Variants in CAMK4 observed in about 807,000 individuals in gnomAD.
CAMK4 encodes the protein calcium/calmodulin dependent protein kinase IV.
Under a neutral mutation model 44.9 loss-of-function variants are expected in CAMK4, and 22 were observed. That is an observed-to-expected ratio of 0.49 (90% confidence interval 0.35 to 0.70). The LOEUF (loss-of-function observed/expected upper bound fraction) is 0.70, where lower values mean the gene tolerates loss of function less well. Ranked by LOEUF, CAMK4 falls within the 30% of genes least tolerant of loss-of-function variation. The probability of loss-of-function intolerance (pLI) is 0.01; values close to 1 mark genes in which losing one functional copy is unlikely to be tolerated. For missense variants in CAMK4, 498 were observed against 586.8 expected (o/e 0.85, Z 1.56); for synonymous variants, 218 against 215.4 (o/e 1.01, Z -0.11).
At chr5:111,409,090 G>A (rs1232154350) in intron 5 of CAMK4, among the ~76,000 whole-genome samples, 6 of 152,188 alleles carry the variant, frequency 3.9e-5, no homozygotes, top group Admixed American at 3.9e-4. Context: ...CTGGAGGATG[G>A]TGGCCCCTGC....
chr5:111,330,378 A>T (rs538142777), intron 1 of CAMK4, among the ~76,000 whole-genome samples: 75 of 151,874 alleles, frequency 4.9e-4, no homozygotes, highest in African/African-American at 1.8e-3. Context: ...CTGTAAATGG[A>T]TTGGAGGACT....
intron 2 of CAMK4, among the ~76,000 whole-genome samples, chr5:111,363,380 G>A (rs534436900): frequency 3.9e-5 from 6 of 152,120 alleles, no homozygotes; most frequent in East Asian, 1.9e-4. Context: ...TCAATCACCA[G>A]CCTCCATACC....
chr5:111,422,038 T>A (rs1157743666), intron 5 of CAMK4, among the ~76,000 whole-genome samples: 2 of 152,232 alleles, frequency 1.3e-5, no homozygotes, highest in African/African-American at 4.8e-5. Flanking sequence ...CCATTAAACA[T>A]CTTTTTCTTA....
At chr5:111,413,598 T>C (rs1484735877) in intron 5 of CAMK4, among the ~76,000 whole-genome samples, 2 of 151,522 alleles carry the variant, frequency 1.3e-5, no homozygotes, top group Non-Finnish European at 2.9e-5. Flanking sequence ...AAAATTATTA[T>C]GGAGCTAAAG....
intron 5 of CAMK4, among the ~76,000 whole-genome samples, chr5:111,434,250 G>T (rs1355913373): frequency 6.8e-6 from 1 of 147,474 alleles, no homozygotes; most frequent in African/African-American, 2.5e-5. Flanking sequence ...CCAAGATCGC[G>T]CCACTGCACT....
chr5:111,396,093 TCTAA>T (rs1019361446), intron 5 of CAMK4, among the ~76,000 whole-genome samples: 28 of 152,152 alleles, frequency 1.8e-4, no homozygotes, highest in African/African-American at 5.5e-4. Flanking sequence ...GACTCTGATA[TCTAA>T]CTAGCCTCTG....
chr5:111,411,052 CTTCTAGGACCAAGAG>C (rs1752615571), intron 5 of CAMK4, among the ~76,000 whole-genome samples: 2 of 152,056 alleles, frequency 1.3e-5, no homozygotes, highest in South Asian at 4.1e-4. Flanking sequence ...AGTTTTAATG[CTTCTAGGACCAAGAG>C]GTATTTGTCA....
intron 1 of CAMK4, among the ~76,000 whole-genome samples, chr5:111,279,585 A>C (rs1750918990): frequency 6.6e-6 from 1 of 152,256 alleles, no homozygotes; most frequent in South Asian, 2.1e-4. Flanking sequence ...GTCAGGGTAC[A>C]GTTAATTCAG....
intron 1 of CAMK4, among the ~76,000 whole-genome samples, chr5:111,333,962 G>A (rs1749286312): frequency 6.6e-6 from 1 of 151,442 alleles, no homozygotes; most frequent in Non-Finnish European, 1.5e-5. Flanking sequence ...TTGACGTAAG[G>A]CACCAAGTAG....
intron 1 of CAMK4, among the ~76,000 whole-genome samples, chr5:111,294,770 C>T (rs1747417803): frequency 6.6e-6 from 1 of 151,884 alleles, no homozygotes; most frequent in African/African-American, 2.4e-5. Context: ...AGTTCATGTC[C>T]TCAAATTAGG....
chr5:111,394,635 T>C (rs1751928309), intron 4 of CAMK4, 75 bp from the exon 5 acceptor site: 2 of 950,432 alleles, frequency 2.1e-6, no homozygotes, highest in Non-Finnish European at 3.3e-6. Flanking sequence ...TTAACATTAA[T>C]TTACTTAACT....
At chr5:111,330,666 T>C (rs1749128630) in intron 1 of CAMK4, among the ~76,000 whole-genome samples, 1 of 151,630 alleles carries the variant, frequency 6.6e-6, no homozygotes, top group Non-Finnish European at 1.5e-5. Context: ...CTATACCATT[T>C]TATATAAGGG....
intron 1 of CAMK4, among the ~76,000 whole-genome samples, chr5:111,262,590 GA>G (rs1750036862): frequency 6.6e-6 from 1 of 152,070 alleles, no homozygotes; most frequent in Admixed American, 6.5e-5. Context: ...ATCTGAGGGG[GA>G]TTTTATGGCC....
intron 5 of CAMK4, among the ~76,000 whole-genome samples, chr5:111,421,208 A>T (rs1466691899): frequency 6.6e-6 from 1 of 152,204 alleles, no homozygotes; most frequent in Non-Finnish European, 1.5e-5. Flanking sequence ...CCGCAACAAT[A>T]TCTGCATTCC....
At chr5:111,394,205 T>A (rs1468182363) in intron 4 of CAMK4, among the ~76,000 whole-genome samples, 1 of 152,194 alleles carries the variant, frequency 6.6e-6, no homozygotes, top group Non-Finnish European at 1.5e-5. Context: ...ATTATAGGTA[T>A]GATATTGGAA....
intron 3 of CAMK4, among the ~76,000 whole-genome samples, chr5:111,376,619 C>T (rs1751222559): frequency 6.6e-6 from 1 of 151,826 alleles, no homozygotes; most frequent in Non-Finnish European, 1.5e-5. Flanking sequence ...CATCTTTCAA[C>T]TGACAAAAGG....
At chr5:111,421,075 G>A (rs1396967793) in intron 5 of CAMK4, among the ~76,000 whole-genome samples, 1 of 152,214 alleles carries the variant, frequency 6.6e-6, no homozygotes. Flanking sequence ...TTGCAGTAAA[G>A]ACAGCCATAA....
chr5:111,359,093 A>G (rs549729077), intron 2 of CAMK4, among the ~76,000 whole-genome samples: 1 of 152,138 alleles, frequency 6.6e-6, no homozygotes, highest in African/African-American at 2.4e-5. Flanking sequence ...ACATATACCC[A>G]GTAATGGGAT....
chr5:111,412,945 A>G (rs936035230), intron 5 of CAMK4, among the ~76,000 whole-genome samples: 6 of 152,210 alleles, frequency 3.9e-5, no homozygotes, highest in Non-Finnish European at 7.3e-5. Context: ...ATTGCCTCTG[A>G]GCTGCTACTC....
Sources: allele counts gnomAD v4.1 joint callset (sites outside exome capture counted in the v4.1 genomes callset), GRCh38; gene constraint gnomAD v4.1.1; transcripts MANE v1.5; gene names NCBI Gene and HGNC (gene_info 2026-07-23, HGNC 2026-07-21).